Variants in PTPRT observed in about 807,000 individuals in gnomAD.
The protein encoded by PTPRT is protein tyrosine phosphatase receptor type T.
PTPRT carries 56 observed loss-of-function variants against 176.8 expected under a neutral mutation model. The ratio of observed to expected loss-of-function variants is 0.32; its 90% CI spans 0.26 to 0.40. PTPRT has a LOEUF of 0.40. Among genes scored for constraint, PTPRT ranks in the 10% least tolerant of loss-of-function variants. The probability of loss-of-function intolerance (pLI) is 1.00; values close to 1 mark genes in which losing one functional copy is unlikely to be tolerated. For missense variants in PTPRT, 1,540 were observed against 1,908.2 expected (o/e 0.81, Z 3.60); for synonymous variants, 783 against 739.0 (o/e 1.06, Z -0.96).
chr20:42,533,960 C>T (rs1286134577), intron 7 of PTPRT, among the ~76,000 whole-genome samples: 1 of 152,200 alleles, frequency 6.6e-6, no homozygotes, highest in Non-Finnish European at 1.5e-5. Flanking sequence ...CTCTGGAATG[C>T]TTCTTCTCTG....
intron 7 of PTPRT, among the ~76,000 whole-genome samples, chr20:42,473,281 A>G (rs2071230948): frequency 6.6e-6 from 1 of 152,108 alleles, no homozygotes; most frequent in Non-Finnish European, 1.5e-5. Flanking sequence ...CATGCCTCCT[A>G]TTGATCTTGG....
chr20:42,994,192 G>A (rs1215359185), intron 1 of PTPRT, among the ~76,000 whole-genome samples: 6 of 151,990 alleles, frequency 3.9e-5, no homozygotes, highest in South Asian at 2.1e-4. Context: ...CAGTTCTATC[G>A]AGACCATGTG....
In PTPRT at chr20:42,962,560, T is replaced by C. The variant is rs150480642; in HGVS notation, c.89-76628A>G. ...AAAAAGAAAAAACAAGACATTTACA[T>C]GGATAAACATTTATATAAGTAAATG... is the stretch of plus-strand genomic sequence containing the variant. On this transcript the variant is annotated intron_variant, in intron 1 of 30. Transcript: ENST00000373187. Among the ~76,000 whole-genome samples, 344 of 152,332 alleles carry C rather than the reference T, an allele frequency of 2.3e-3. 2 individuals are homozygous for C. Among genetic ancestry groups the C allele is most frequent in the African/African-American group, 7.9e-3 (327 of 41,586 alleles).
At chr20:42,965,271 C>G (rs1224025090) in intron 1 of PTPRT, among the ~76,000 whole-genome samples, 1 of 152,200 alleles carries the variant, frequency 6.6e-6, no homozygotes, top group Non-Finnish European at 1.5e-5. Context: ...ATTTGCTGCT[C>G]TCTGTGGCTT....
At chr20:42,697,113 G>A (rs946359955) in intron 6 of PTPRT, among the ~76,000 whole-genome samples, 2 of 152,060 alleles carry the variant, frequency 1.3e-5, no homozygotes, top group Non-Finnish European at 2.9e-5. Context: ...ACAAGCGGAT[G>A]CACCAGAGAA....
chr20:42,667,784 G>C (rs1041365533), intron 7 of PTPRT, among the ~76,000 whole-genome samples: 1 of 152,208 alleles, frequency 6.6e-6, no homozygotes, highest in Non-Finnish European at 1.5e-5. Context: ...CAGTAGTGCA[G>C]TCTCCTTCCT....
chr20:42,762,661 C>T (rs184260016), intron 5 of PTPRT, among the ~76,000 whole-genome samples: 1 of 152,314 alleles, frequency 6.6e-6, no homozygotes, highest in Non-Finnish European at 1.5e-5. Context: ...TTGTGCTTTG[C>T]CCAAGGGCTC....
At chr20:42,448,013 G>A (rs989331234) in intron 9 of PTPRT, among the ~76,000 whole-genome samples, 1 of 152,162 alleles carries the variant, frequency 6.6e-6, no homozygotes, top group African/African-American at 2.4e-5. Flanking sequence ...AATGCATGAT[G>A]TGTACAAATT....
chr20:42,598,967 G>T (rs1407149314), intron 7 of PTPRT, among the ~76,000 whole-genome samples: 1 of 152,192 alleles, frequency 6.6e-6, no homozygotes, highest in African/African-American at 2.4e-5. Context: ...AACCTTGTAA[G>T]CAAATCAAAG....
Position 42,171,219 on chromosome 20 carries a change from G to A in PTPRT, c.2492-9677C>T, listed in dbSNP as rs142384196. On this transcript the variant is annotated intron_variant, in intron 16 of 30. Transcript: ENST00000373187. ...GTAGCTGATAAAGCTAGTCAAGGATGTGAGTCCAGAAATAGAGAAAAAAAC... is the reference window on the plus strand; with the variant it reads ...GTAGCTGATAAAGCTAGTCAAGGATATGAGTCCAGAAATAGAGAAAAAAAC... 2.6e-3 allele frequency among the ~76,000 whole-genome samples: 402 copies of A among 152,266 alleles called. 2 individuals carry two copies. Among genetic ancestry groups the A allele is most frequent in the African/African-American group, 8.9e-3 (368 of 41,560 alleles).
intron 6 of PTPRT, among the ~76,000 whole-genome samples, chr20:42,698,259 A>G (rs2075915061): frequency 1.3e-5 from 2 of 152,184 alleles, no homozygotes; most frequent in Non-Finnish European, 1.5e-5. Context: ...AGGGGTTTTA[A>G]GGTCAATTCA....
chr20:42,980,494 A>G (rs971691954), intron 1 of PTPRT, among the ~76,000 whole-genome samples: 1 of 152,266 alleles, frequency 6.6e-6, no homozygotes, highest in African/African-American at 2.4e-5. Flanking sequence ...TATAGAATTC[A>G]TCAATGTGTT....
intron 16 of PTPRT, among the ~76,000 whole-genome samples, chr20:42,185,346 A>G (rs973964161): frequency 2.0e-5 from 3 of 152,082 alleles, no homozygotes; most frequent in African/African-American, 4.8e-5. Context: ...ATCTCTGCCT[A>G]TATTTGTATG....
chr20:42,469,290 G>A lies in PTPRT; in HGVS notation c.1450+2976C>T, dbSNP rs62204874. ...GCGATCTCGGCTCACTGCAACCTCC[G>A]CCTCCCAGGTTCAAGCGATTCTCCT... On this transcript the variant is annotated intron_variant, in intron 8 of 30. Coordinates refer to ENST00000373187, the MANE Select transcript of PTPRT (RefSeq NM_007050.6). 7.9e-3 allele frequency among the ~76,000 whole-genome samples: 1,209 copies of A among 152,158 alleles called. 9 individuals are homozygous for A. The highest frequency in any genetic ancestry group is 0.014 in the Middle Eastern group (4 of 292).
intron 7 of PTPRT, among the ~76,000 whole-genome samples, chr20:42,625,478 G>A (rs2074272826): frequency 1.3e-5 from 2 of 151,782 alleles, no homozygotes; most frequent in South Asian, 2.1e-4. Flanking sequence ...TTGAGTCTGG[G>A]TAGCAGACTG....
chr20:42,324,798 C>A (rs929279142), intron 11 of PTPRT, among the ~76,000 whole-genome samples: 1 of 152,114 alleles, frequency 6.6e-6, no homozygotes, highest in Non-Finnish European at 1.5e-5. Context: ...AACCTTTCTT[C>A]CAAGACTCTG....
intron 6 of PTPRT, among the ~76,000 whole-genome samples, chr20:42,720,518 T>A (rs2076287485): frequency 6.6e-6 from 1 of 152,008 alleles, no homozygotes. Flanking sequence ...AGAAAAAGGG[T>A]CAAAGGCAAG....
At chr20:42,435,236 C>G (rs886198872) in intron 9 of PTPRT, among the ~76,000 whole-genome samples, 65 of 152,234 alleles carry the variant, frequency 4.3e-4, no homozygotes, top group African/African-American at 1.5e-3. Flanking sequence ...TATCCCTTGG[C>G]ACTTACAATA....
chr20:43,045,640 T>TTTG (rs1412715589), intron 1 of PTPRT, among the ~76,000 whole-genome samples: 2 of 150,628 alleles, frequency 1.3e-5, no homozygotes, highest in African/African-American at 4.9e-5. Context: ...TTTTTTTTTT[T>TTTG]TTTGTAAAGA....
Sources: gnomAD v4.1 joint callset for allele counts (sites outside exome capture counted in the v4.1 genomes callset) on GRCh38, gnomAD v4.1.1 for gene constraint, MANE v1.5 for transcripts, NCBI Gene and HGNC (gene_info 2026-07-23, HGNC 2026-07-21) for gene names.